The following HSF5 variants were observed in gnomAD, a reference collection of about 807,000 sequenced individuals.
The protein encoded by HSF5 is heat shock factor protein 5.
In HSF5, 5 loss-of-function variants were observed where a neutral mutation model predicts 50.8. The observed-to-expected ratio is 0.10, with a 90% CI of 0.05 to 0.21. HSF5 has a LOEUF of 0.21. Ranked by LOEUF, HSF5 falls within the 10% of genes least tolerant of loss-of-function variation. HSF5 has a pLI of 1.00. For missense variants in HSF5, 564 were observed against 762.6 expected (o/e 0.74, Z 3.07); for synonymous variants, 307 against 307.4 (o/e 1.00, Z 0.02).
Position 58,463,065 on chromosome 17 carries a change from G to C in HSF5, c.1259C>G (p.Pro420Arg). 6.2e-7 allele frequency: 1 copy of C among 1,614,226 alleles called. No homozygotes were observed. Among genetic ancestry groups the C allele is most frequent in the Non-Finnish European group, 8.5e-7 (1 of 1,180,048 alleles). ...HILANSNNSN[P>R]CSASQASQLE... ...CTGGCTAGCCTGACTTGCAGAACATGGATTGCTGTTGTTAGAATTAGCTAA... is the reference window on the plus strand; with the variant it reads ...CTGGCTAGCCTGACTTGCAGAACATCGATTGCTGTTGTTAGAATTAGCTAA... Residue 420 changes from proline (P) to arginine (R), a missense_variant, in exon 4 of 6, where the codon CCA becomes CGA. Physicochemically the swap from Pro to Arg is moderately radical, Grantham distance 103 (BLOSUM62 -2). Transcript: ENST00000323777.
chr17:58,474,933 G>A lies in HSF5; in HGVS notation c.925+4960C>T, dbSNP rs115270278. Among the ~76,000 whole-genome samples, 452 of 152,152 alleles carry A rather than the reference G, an allele frequency of 3.0e-3. 2 individuals are homozygous for A. Among genetic ancestry groups the A allele is most frequent in the African/African-American group, 0.011 (438 of 41,524 alleles). On this transcript the variant is annotated intron_variant, in intron 2 of 5. Transcript: ENST00000323777. ...TTTTGGTTCTTCAAAGAAGTAGCTG[G>A]GCAAATCTGGGGGAAAAAATTAGGC...
chr17:58,486,192 C>T (rs1472287613), intron 1 of HSF5, among the ~76,000 whole-genome samples: 1 of 152,026 alleles, frequency 6.6e-6, no homozygotes, highest in African/African-American at 2.4e-5. Context: ...GGTGAAACCT[C>T]GTCTCTACTA....
chr17:58,464,462 T>C (rs903952428), intron 3 of HSF5, among the ~76,000 whole-genome samples: 1 of 152,172 alleles, frequency 6.6e-6, no homozygotes, highest in East Asian at 1.9e-4. Flanking sequence ...TCTTAAACAA[T>C]ACAATGTACT....
At chr17:58,446,216 C>T (rs2143754545) in intron 5 of HSF5, among the ~76,000 whole-genome samples, 1 of 152,014 alleles carries the variant, frequency 6.6e-6, no homozygotes, top group South Asian at 2.1e-4. Context: ...GTGATTCTCC[C>T]CCCACAGGAA....
intron 1 of HSF5, among the ~76,000 whole-genome samples, chr17:58,481,727 C>T (rs1488505592): frequency 2.0e-5 from 3 of 152,174 alleles, no homozygotes; most frequent in East Asian, 1.9e-4. Context: ...ACGCCAGCCA[C>T]GGTGGCTCAT....
At chr17:58,470,112 G>A (rs1974923610) in intron 2 of HSF5, among the ~76,000 whole-genome samples, 1 of 152,076 alleles carries the variant, frequency 6.6e-6, no homozygotes, top group Non-Finnish European at 1.5e-5. Context: ...AGTTCCTATG[G>A]CAACTAGAAC....
At chr17:58,443,068 C>T (rs1213399379) in intron 5 of HSF5, among the ~76,000 whole-genome samples, 2 of 152,070 alleles carry the variant, frequency 1.3e-5, no homozygotes, top group Non-Finnish European at 2.9e-5. Context: ...CCACCACGCC[C>T]GGCTAATTTT....
chr17:58,476,678 G>A, intron 2 of HSF5: 1 of 1,577,442 alleles, frequency 6.3e-7, no homozygotes, highest in Non-Finnish European at 8.7e-7. Flanking sequence ...GCAGACACTT[G>A]TGGATGGTTG....
In HSF5 at chr17:58,420,545, A is replaced by G. The variant is rs1188067609; in HGVS notation, c.*1815T>C. On this transcript the variant is annotated 3_prime_UTR_variant, in exon 6 of 6. Coordinates refer to ENST00000323777, the MANE Select transcript of HSF5 (RefSeq NM_001080439.3). ...AAAGATATTATCTCAACATCTATAA[A>G]GCTAAGAAAGCCATATTTAGGGGAA... 1 of 151,054 alleles carries G rather than the reference A, an allele frequency of 6.6e-6. No homozygotes were observed. Among genetic ancestry groups the G allele is most frequent in the Non-Finnish European group, 1.5e-5 (1 of 67,650 alleles). The allele number at this position is 151,054 out of a possible 1,614,324, so 9.4% of individuals were successfully genotyped here.
At chr17:58,475,610 C>A (rs1224638378) in intron 2 of HSF5, among the ~76,000 whole-genome samples, 1 of 152,172 alleles carries the variant, frequency 6.6e-6, no homozygotes. Flanking sequence ...CTTAACCCCC[C>A]CAAACATCTC....
At chr17:58,476,868 G>GTTT in intron 2 of HSF5, 8 of 1,175,220 alleles carry the variant, frequency 6.8e-6, no homozygotes, top group Admixed American at 2.2e-5. Context: ...GCTTCTTGCT[G>GTTT]TTTTTTTTTT....
chr17:58,452,328 T>C (rs765481614), intron 5 of HSF5, among the ~76,000 whole-genome samples: 2 of 151,958 alleles, frequency 1.3e-5, no homozygotes, highest in African/African-American at 2.4e-5. Flanking sequence ...AAAGGAGTCA[T>C]CACAACTAAC....
Position 58,480,147 on chromosome 17 carries a change from G to A in HSF5, c.671C>T (p.Thr224Ile). The A allele has an allele frequency of 1.2e-6, 2 of 1,614,188 alleles. No homozygotes were observed. Among genetic ancestry groups the A allele is most frequent in the Non-Finnish European group, 1.7e-6 (2 of 1,180,034 alleles). ...STYPLKGLDR[T>I]PVPHRIWQNS... ...CTGCCATATTCTATGAGGAACTGGG[G>A]TCCGATCTAAACCTTTCAGAGGGTA... Residue 224 changes from threonine to isoleucine, a missense_variant, in exon 2 of 6, where the codon ACC becomes ATC. Transcript: ENST00000323777.
chr17:58,480,612 A>G (rs1002687501), intron 1 of HSF5, among the ~76,000 whole-genome samples: 19 of 152,164 alleles, frequency 1.2e-4, no homozygotes, highest in African/African-American at 4.3e-4. Flanking sequence ...GATTTTTCCA[A>G]CGTGTAAGCT....
intron 5 of HSF5, among the ~76,000 whole-genome samples, chr17:58,435,011 G>A (rs956761941): frequency 6.6e-6 from 1 of 152,206 alleles, no homozygotes; most frequent in African/African-American, 2.4e-5. Context: ...GCAGCGTGTA[G>A]GGTTACAATT....
intron 1 of HSF5, among the ~76,000 whole-genome samples, chr17:58,486,902 C>CTTTTTT (rs11351236): frequency 1.3e-5 from 1 of 79,902 alleles, no homozygotes; most frequent in Non-Finnish European, 2.4e-5. Context: ...TAAGTTCTCT[C>CTTTTTT]TTTTTTTTTT....
chr17:58,432,174 C>A (rs1974373340), intron 5 of HSF5, among the ~76,000 whole-genome samples: 1 of 152,038 alleles, frequency 6.6e-6, no homozygotes, highest in Admixed American at 6.5e-5. Context: ...AAAAAAGCAA[C>A]TCATTCATTT....
intron 5 of HSF5, among the ~76,000 whole-genome samples, chr17:58,424,014 C>A (rs1426624940): frequency 6.6e-6 from 1 of 152,100 alleles, no homozygotes; most frequent in Non-Finnish European, 1.5e-5. Flanking sequence ...TGAAATAGTA[C>A]CTAATTTTTG....
intron 2 of HSF5, among the ~76,000 whole-genome samples, chr17:58,468,965 T>C (rs1974909363): frequency 1.3e-5 from 2 of 152,166 alleles, no homozygotes; most frequent in South Asian, 4.1e-4. Context: ...TATTCAAATA[T>C]ATATTTTAAA....
Sources: allele counts gnomAD v4.1 joint callset (sites outside exome capture counted in the v4.1 genomes callset), GRCh38; gene constraint gnomAD v4.1.1; transcripts MANE v1.5; gene names NCBI Gene and HGNC (gene_info 2026-07-23, HGNC 2026-07-21).